The following SESN3 variants were observed in gnomAD, a reference collection of about 807,000 sequenced individuals.
SESN3 encodes the protein sestrin-3.
Under a neutral mutation model 55.3 loss-of-function variants are expected in SESN3, and 21 were observed. The observed-to-expected ratio is 0.38, with a 90% CI of 0.27 to 0.55. The LOEUF (loss-of-function observed/expected upper bound fraction) is 0.55, where lower values mean the gene tolerates loss of function less well. SESN3 is among the 20% of genes least tolerant of loss of function. SESN3 has a pLI of 0.76. For synonymous variants in SESN3, 181 were observed against 203.1 expected, an observed-to-expected ratio of 0.89 and a Z score of 0.93; for missense variants, 408 against 604.3, an observed-to-expected ratio of 0.68 and a Z score of 3.41.
In SESN3 at chr11:95,169,434, T is replaced by G. The variant is rs1280856545; in HGVS notation, c.*3821A>C. 1 of 152,202 alleles carries G rather than the reference T, an allele frequency of 6.6e-6. No homozygotes were observed. Among genetic ancestry groups the G allele is most frequent in the Non-Finnish European group, 1.5e-5 (1 of 68,030 alleles). The allele number at this position is 152,202 out of a possible 1,614,324, so 9.4% of individuals were successfully genotyped here. A position where few individuals can be genotyped will look rare whatever the true frequency, so the allele number is the denominator to read the frequency against. On this transcript the variant is annotated 3_prime_UTR_variant, in exon 10 of 10. Transcript: ENST00000536441. ...TATACTATTTACATAACAAACATTA[T>G]TGTTATGTACTGTTTAGTCCATGTT... is the stretch of plus-strand genomic sequence containing the variant.
chr11:95,168,288 T>C lies in SESN3; in HGVS notation c.*4967A>G, dbSNP rs1474916947. ...AATTTTAACTTTACATTCAAATAGC[T>C]TGGACTAACAACAGTATTCATTCAT... is the stretch of plus-strand genomic sequence containing the variant. On this transcript the variant is annotated 3_prime_UTR_variant, in exon 10 of 10. Transcript: ENST00000536441. 1 of 152,196 alleles carries C rather than the reference T, an allele frequency of 6.6e-6. No homozygotes were observed. The highest frequency in any genetic ancestry group is 1.5e-5 in the Non-Finnish European group (1 of 68,038). 9.4% of individuals were successfully genotyped at this position (152,196 alleles called of 1,614,324 possible).
intron 1 of SESN3, among the ~76,000 whole-genome samples, chr11:95,223,651 C>T (rs1860899001): frequency 6.6e-6 from 1 of 152,138 alleles, no homozygotes; most frequent in South Asian, 2.1e-4. Context: ...ATACACACAC[C>T]AAACAGAGGT....
chr11:95,219,354 T>C (rs1036294315), intron 1 of SESN3, among the ~76,000 whole-genome samples: 2 of 152,216 alleles, frequency 1.3e-5, no homozygotes, highest in African/African-American at 4.8e-5. Flanking sequence ...GGAGCACATT[T>C]GCTGGACTGA....
rs1394025032 is a variant in SESN3, at chr11:95,165,982, TTGAAA to T, written c.*7268_*7272del. The T allele has an allele frequency of 1.3e-5, 2 of 152,052 alleles. No homozygotes were observed. Among genetic ancestry groups the T allele is most frequent in the African/African-American group, 4.8e-5 (2 of 41,402 alleles). 9.4% of individuals were successfully genotyped at this position (152,052 alleles called of 1,614,324 possible). A position where few individuals can be genotyped will look rare whatever the true frequency, so the allele number is the denominator to read the frequency against. On this transcript the variant is annotated 3_prime_UTR_variant, in exon 10 of 10. Coordinates refer to ENST00000536441, the MANE Select transcript of SESN3 (RefSeq NM_144665.4). ...TGATTCATGTGGAGGGCATTAAGAG[TTGAAA>T]AGGCTTATATGGTTAACTACCTTAG... is the stretch of plus-strand genomic sequence containing the variant.
rs565203894 is a variant in SESN3 at position 95,207,132 on chromosome 11, C to T, written c.79-13610G>A. On this transcript the variant is annotated intron_variant, in intron 1 of 9. Transcript: ENST00000536441. ...GACATCTGTGAACACCAGAGGCCTG[C>T]ACTAGGCATTCTAAGTTTAAAACAC... is the stretch of plus-strand genomic sequence containing the variant. 4.4e-4 allele frequency among the ~76,000 whole-genome samples: 64 copies of T among 146,364 alleles called. 3 individuals carry two copies. In the South Asian group the frequency reaches 0.012, roughly 28 times the overall value.
intron 1 of SESN3, among the ~76,000 whole-genome samples, chr11:95,216,148 T>TTGATATACAA (rs1249698266): frequency 6.0e-5 from 9 of 150,624 alleles, no homozygotes; most frequent in African/African-American, 2.2e-4. Flanking sequence ...CTTAAATTGA[T>TTGATATACAA]TGATATACAA....
At chr11:95,207,155 CACTT>C (rs34300865) in intron 1 of SESN3, among the ~76,000 whole-genome samples, 87,418 of 150,612 alleles carry the variant, frequency 0.58, 26,278 homozygotes, top group East Asian at 0.62. Context: ...AAGTTTAAAA[CACTT>C]ACTTCCAAAT....
At chr11:95,181,685 A>T (rs1860061395) in intron 6 of SESN3, among the ~76,000 whole-genome samples, 1 of 152,172 alleles carries the variant, frequency 6.6e-6, no homozygotes, top group Admixed American at 6.5e-5. Flanking sequence ...CCCCTGTAGA[A>T]TACTTTAAAC....
At position 95,184,498 on chromosome 11, in the gene SESN3, T is replaced by C; in HGVS notation, c.859A>G (p.Ser287Gly). The C allele has an allele frequency of 6.2e-7, 1 of 1,613,610 alleles. No homozygotes were observed. Among genetic ancestry groups the C allele is most frequent in the Non-Finnish European group, 8.5e-7 (1 of 1,179,718 alleles). The change falls in exon 6 of 10, where the codon AGC (serine) becomes GGC (glycine). Residue 287 changes from serine to glycine, a missense_variant. Around this residue, in one of 4 missense-constraint regions of SESN3, gnomAD observed 119 missense variants for 139.9 expected, o/e 0.85. Coordinates refer to ENST00000536441, the MANE Select transcript of SESN3 (RefSeq NM_144665.4). ...TTCTTCTCCTTTTCAAAACGAGTGC[T>C]CATTTCTTCTTGAGACGCCTCTTCA... ...EDEEASQEEM[S>G]TRFEKEKKES...
chr11:95,192,408 A>G (rs1223869932), intron 2 of SESN3, among the ~76,000 whole-genome samples: 1 of 152,094 alleles, frequency 6.6e-6, no homozygotes, highest in South Asian at 2.1e-4. Context: ...CATAATTCTA[A>G]GAGTGGTTCA....
chr11:95,181,572 G>A (rs1860059231), intron 6 of SESN3, among the ~76,000 whole-genome samples: 1 of 152,030 alleles, frequency 6.6e-6, no homozygotes, highest in Non-Finnish European at 1.5e-5. Flanking sequence ...AGTAGTTACT[G>A]ACATAATACG....
intron 1 of SESN3, among the ~76,000 whole-genome samples, chr11:95,206,229 A>G (rs1860543430): frequency 6.6e-6 from 1 of 152,120 alleles, no homozygotes; most frequent in African/African-American, 2.4e-5. Context: ...CAGGTGCCCA[A>G]TAAATGTTGA....
At chr11:95,191,279 C>T in intron 3 of SESN3, 125 bp downstream of exon 3, 1 of 758,212 alleles carries the variant, frequency 1.3e-6, no homozygotes, top group South Asian at 1.7e-5. Flanking sequence ...CCATAGGCTT[C>T]TTCAGTTCTT....
At chr11:95,176,936 C>T (rs1009523262) in intron 8 of SESN3, among the ~76,000 whole-genome samples, 3 of 151,920 alleles carry the variant, frequency 2.0e-5, no homozygotes, top group Non-Finnish European at 4.4e-5. Context: ...TGTTATTAGG[C>T]GATTTATCAG....
intron 1 of SESN3, among the ~76,000 whole-genome samples, chr11:95,197,762 A>G (rs764750799): frequency 7.9e-5 from 12 of 152,116 alleles, no homozygotes; most frequent in Non-Finnish European, 1.6e-4. Flanking sequence ...TGGTGACTAT[A>G]TTGTAGGGAA....
intron 1 of SESN3, among the ~76,000 whole-genome samples, chr11:95,228,256 G>A (rs980336332): frequency 6.6e-6 from 1 of 152,144 alleles, no homozygotes; most frequent in Non-Finnish European, 1.5e-5. Flanking sequence ...TCAACACACT[G>A]CAACAAATTA....
rs956084652 is a variant in SESN3, at chr11:95,171,707, G to A, written c.*1548C>T. ...TGGATAAGTTTTCAAAAATTAGCAT[G>A]TATGTGTACAATTCAAGTCACCCTT... is the stretch of plus-strand genomic sequence containing the variant. On this transcript the variant is annotated 3_prime_UTR_variant, in exon 10 of 10. Coordinates refer to ENST00000536441, the MANE Select transcript of SESN3 (RefSeq NM_144665.4). 1 of 152,124 alleles carries A rather than the reference G, an allele frequency of 6.6e-6. No homozygotes were observed. The allele number at this position is 152,124 out of a possible 1,614,324, so 9.4% of individuals were successfully genotyped here. A position where few individuals can be genotyped will look rare whatever the true frequency, so the allele number is the denominator to read the frequency against.
At chr11:95,181,253 A>G (rs1860053458) in intron 6 of SESN3, among the ~76,000 whole-genome samples, 1 of 152,102 alleles carries the variant, frequency 6.6e-6, no homozygotes, top group Non-Finnish European at 1.5e-5. Context: ...TTTTAAAATA[A>G]ACAGTAAAAA....
In SESN3 at chr11:95,170,560, A is replaced by G. The variant is rs1399972112; in HGVS notation, c.*2695T>C. ...TAAAAATATCACATTTTAATATAAA[A>G]AGCTATACTATAAATTACTAAATAG... On this transcript the variant is annotated 3_prime_UTR_variant, in exon 10 of 10. Coordinates refer to ENST00000536441, the MANE Select transcript of SESN3 (RefSeq NM_144665.4). 6.6e-6 allele frequency: 1 copy of G among 152,166 alleles called. No homozygotes were observed. Among genetic ancestry groups the G allele is most frequent in the Non-Finnish European group, 1.5e-5 (1 of 68,014 alleles). 9.4% of individuals were successfully genotyped at this position (152,166 alleles called of 1,614,324 possible).
Sources: gnomAD v4.1 joint callset for allele counts (sites outside exome capture counted in the v4.1 genomes callset) on GRCh38, gnomAD v4.1.1 for gene constraint, gnomAD v4.1.1 regional missense constraint, MANE v1.5 for transcripts, NCBI Gene and HGNC (gene_info 2026-07-23, HGNC 2026-07-21) for gene names.